MTOR: variants seen among roughly 807,000 people sequenced by gnomAD.
MTOR encodes mechanistic target of rapamycin kinase, also known as serine/threonine-protein kinase mTOR.
A neutral mutation model predicts 319.8 loss-of-function variants in MTOR; 70 were observed. The ratio of observed to expected loss-of-function variants is 0.22; its 90% CI spans 0.18 to 0.27. MTOR has a LOEUF of 0.27. Ranked by LOEUF, MTOR falls within the 10% of genes least tolerant of loss-of-function variation. MTOR has a pLI of 1.00. For missense variants in MTOR, 1,890 were observed against 3,274.4 expected (o/e 0.58, Z 10.32); for synonymous variants, 1,183 against 1,211.4 (o/e 0.98, Z 0.49).
chr1:11,171,753 G>A (rs1270860564), intron 28 of MTOR, among the ~76,000 whole-genome samples: 1 of 152,054 alleles, frequency 6.6e-6, no homozygotes, highest in Admixed American at 6.5e-5. Flanking sequence ...AGAGAGTCCA[G>A]GCCAGGCACG....
Position 11,114,807 on chromosome 1 carries a change from A to T in MTOR, c.7164+6T>A. On this transcript the variant is annotated splice_donor_region_variant and intron_variant, in intron 52 of 57. Coordinates refer to ENST00000361445, the MANE Select transcript of MTOR (RefSeq NM_004958.4). Reference sequence around the variant, plus strand: ...TGGAAGCAGCTCGTTCCCGATATCCACTCACCTCCATAGCATTGGTCAACA... The same window carrying T: ...TGGAAGCAGCTCGTTCCCGATATCCTCTCACCTCCATAGCATTGGTCAACA... 4 of 1,613,794 alleles carry T rather than the reference A, an allele frequency of 2.5e-6. No homozygotes were observed. The highest frequency in any genetic ancestry group is 3.4e-6 in the Non-Finnish European group (4 of 1,179,758).
At chr1:11,158,854 C>G (rs1036004896) in intron 29 of MTOR, among the ~76,000 whole-genome samples, 1 of 151,878 alleles carries the variant, frequency 6.6e-6, no homozygotes, top group African/African-American at 2.4e-5. Flanking sequence ...ATTGCAGAAA[C>G]TATAAGGTTT....
In MTOR at chr1:11,235,976, G is replaced by C. The variant is rs555619141; in HGVS notation, c.2209-1711C>G. On this transcript the variant is annotated intron_variant, in intron 13 of 57. Transcript: ENST00000361445. ...CAGCCTGGCGACAGAGCGAGACTGT[G>C]TCTCAAAAAAAAAAAAGAAAGAAGA... is the stretch of plus-strand genomic sequence containing the variant. 1.1e-4 allele frequency among the ~76,000 whole-genome samples: 16 copies of C among 150,540 alleles called. No homozygotes were observed. In the South Asian group the frequency reaches 3.1e-3, roughly 29 times the overall value.
At chr1:11,160,802 C>T (rs977058198) in intron 29 of MTOR, among the ~76,000 whole-genome samples, 4 of 152,142 alleles carry the variant, frequency 2.6e-5, no homozygotes, top group Non-Finnish European at 5.9e-5. Context: ...AATAGAGTCC[C>T]GGAGGTTCCA....
intron 28 of MTOR, 122 bp from the exon 29 acceptor site, chr1:11,167,639 GAGTA>G: frequency 2.7e-6 from 2 of 733,318 alleles, no homozygotes; most frequent in South Asian, 3.0e-5. Flanking sequence ...GATGCTGAAA[GAGTA>G]TCAATTATCT....
chr1:11,222,947 C>T (rs533507233), intron 19 of MTOR, among the ~76,000 whole-genome samples: 1 of 152,136 alleles, frequency 6.6e-6, no homozygotes. Context: ...ACATCACTAG[C>T]AGTGGGTCAT....
chr1:11,236,809 C>A (rs895160032), intron 13 of MTOR, among the ~76,000 whole-genome samples: 2 of 152,170 alleles, frequency 1.3e-5, no homozygotes, highest in Non-Finnish European at 2.9e-5. Context: ...CCACGCCCGG[C>A]CTTCAACAAT....
At chr1:11,139,816 C>A (rs1052703462) in intron 34 of MTOR, among the ~76,000 whole-genome samples, 158 bp from the exon 35 acceptor site, 1 of 152,212 alleles carries the variant, frequency 6.6e-6, no homozygotes, top group African/African-American at 2.4e-5. Context: ...CTCAGCCTCC[C>A]GAGTAGCGGG....
rs1047844302 is a variant in MTOR at position 11,129,651 on chromosome 1, G to A, written c.5714+87C>T. On this transcript the variant is annotated intron_variant, in intron 40 of 57. Transcript: ENST00000361445. This position sits in a 1 kb window ranked among gnomAD's most constrained non-coding sequence, Gnocchi z 4.7. The stretch of plus-strand genomic sequence containing the variant: ...ATCTTGGGTGTCCTGATCAGGGTCA[G>A]GAAGGGAAAGAGGACTTTTACGTGT... 4.2e-6 allele frequency: 5 copies of A among 1,203,690 alleles called. No homozygotes were observed. Among genetic ancestry groups the A allele is most frequent in the Non-Finnish European group, 6.0e-6 (5 of 828,362 alleles). 74.6% of individuals were successfully genotyped at this position (1,203,690 alleles called of 1,614,324 possible).
At position 11,199,833 on chromosome 1, in the gene MTOR, G is replaced by T; in HGVS notation, c.3945-130C>A. 1 of 861,890 alleles carries T rather than the reference G, an allele frequency of 1.2e-6. No homozygotes were observed. Among genetic ancestry groups the T allele is most frequent in the Non-Finnish European group, 1.8e-6 (1 of 566,534 alleles). 53.4% of individuals were successfully genotyped at this position (861,890 alleles called of 1,614,324 possible). ...ACAAACCAGTGCTATACAGACCAGT[G>T]CTGTCCAAGAGAATTTTCCTGTCCA... On this transcript the variant is annotated intron_variant, in intron 26 of 57. Transcript: ENST00000361445. The surrounding 1 kb of genome is among the most constrained non-coding windows in gnomAD (Gnocchi z 4.5).
intron 31 of MTOR, chr1:11,149,594 A>G (rs542730406): frequency 2.6e-5 from 4 of 153,298 alleles, no homozygotes; most frequent in African/African-American, 9.6e-5. Flanking sequence ...CAAATTATCA[A>G]ACCTGAGGAG....
chr1:11,176,421 G>A (rs1644995565), intron 28 of MTOR, among the ~76,000 whole-genome samples: 1 of 152,180 alleles, frequency 6.6e-6, no homozygotes, highest in Non-Finnish European at 1.5e-5. Flanking sequence ...AGGCACAGCT[G>A]GGGCAACGCT....
intron 28 of MTOR, among the ~76,000 whole-genome samples, chr1:11,175,089 T>A (rs554238916): frequency 6.6e-6 from 1 of 152,326 alleles, no homozygotes; most frequent in South Asian, 2.1e-4. Context: ...AAACTAGTGA[T>A]TCCCACTGCC....
In MTOR at chr1:11,140,934, C is replaced by T. The variant is rs183926684; in HGVS notation, c.4873-1276G>A. Among the ~76,000 whole-genome samples the T allele has an allele frequency of 4.4e-3, 632 of 142,360 alleles. 6 individuals are homozygous for T. Among genetic ancestry groups the T allele is most frequent in the African/African-American group, 0.015 (595 of 38,938 alleles). The allele number at this position is 142,360 out of a possible 152,430, so 93.4% of individuals were successfully genotyped here. On this transcript the variant is annotated intron_variant, in intron 34 of 57. Transcript: ENST00000361445. ...AGTGACATTGTTTTTAAGTTGGTAG[C>T]ATTTATATTTCTGAAGTTATTAAAG...
chr1:11,142,218 T>C (rs1643746238), intron 34 of MTOR, among the ~76,000 whole-genome samples: 1 of 150,962 alleles, frequency 6.6e-6, no homozygotes, highest in Admixed American at 6.6e-5. Context: ...GCAGGGAAGT[T>C]AAAATGTATC....
intron 30 of MTOR, 131 bp downstream of exon 30, chr1:11,157,021 G>A (rs1644340793): frequency 8.5e-7 from 1 of 1,180,650 alleles, no homozygotes; most frequent in Admixed American, 2.4e-5. Context: ...GATGATTCCT[G>A]AGAAGTATCA....
intron 32 of MTOR, among the ~76,000 whole-genome samples, chr1:11,145,523 T>C (rs2100513777): frequency 6.6e-6 from 1 of 152,216 alleles, no homozygotes; most frequent in African/African-American, 2.4e-5. Flanking sequence ...ATGCTGGGGT[T>C]ACAGGCGCCC....
intron 28 of MTOR, chr1:11,195,115 G>GTTA (rs1645735473): frequency 7.4e-7 from 1 of 1,344,652 alleles, no homozygotes; most frequent in Non-Finnish European, 1.0e-6. Context: ...GTTAGAAAGG[G>GTTA]TAGGACTGAG....
intron 20 of MTOR, among the ~76,000 whole-genome samples, chr1:11,213,965 G>T (rs742824): frequency 6.6e-6 from 1 of 152,074 alleles, no homozygotes; most frequent in Non-Finnish European, 1.5e-5. Flanking sequence ...GATAGCAGTT[G>T]TAAGACTTCC....
Sources: allele counts gnomAD v4.1 joint callset (sites outside exome capture counted in the v4.1 genomes callset), GRCh38; gene constraint gnomAD v4.1.1; non-coding constraint Gnocchi (gnomAD v3.1); transcripts MANE v1.5; gene names NCBI Gene and HGNC (gene_info 2026-07-23, HGNC 2026-07-21).